The following WWOX variants were observed in gnomAD, a reference collection of about 807,000 sequenced individuals.
The protein encoded by WWOX is WW domain-containing oxidoreductase.
Under a neutral mutation model 46.2 loss-of-function variants are expected in WWOX, and 69 were observed. The ratio of observed to expected loss-of-function variants is 1.49; its 90% CI spans 1.23 to 1.82. The LOEUF (loss-of-function observed/expected upper bound fraction) is 1.82. Ranked by LOEUF, WWOX falls within the 40% of genes most tolerant of loss-of-function variation. The probability of loss-of-function intolerance (pLI) is 0.00; values close to 1 mark genes in which losing one functional copy is unlikely to be tolerated. For synonymous variants in WWOX, 359 were observed against 202.6 expected (o/e 1.77, Z -6.56); for missense variants, 919 against 542.6 (o/e 1.69, Z -6.89).
At chr16:78,103,180 G>A (rs34180005) in intron 1 of WWOX, among the ~76,000 whole-genome samples, 33,900 of 151,222 alleles carry the variant, frequency 0.22, 4,629 homozygotes, top group Non-Finnish European at 0.3. Context: ...GTTTCCAAAC[G>A]CCTTTCCTCC....
At chr16:78,874,400 A>C (rs2044191613) in intron 8 of WWOX, among the ~76,000 whole-genome samples, 7 of 152,104 alleles carry the variant, frequency 4.6e-5, no homozygotes, top group Admixed American at 4.6e-4. Context: ...GCAGTTGCTA[A>C]AGCTGTCAAG....
At chr16:78,427,825 G>A (rs191839460) in intron 7 of WWOX, among the ~76,000 whole-genome samples, 56 of 151,852 alleles carry the variant, frequency 3.7e-4, no homozygotes, top group African/African-American at 1.3e-3. Flanking sequence ...TATAGGCCAG[G>A]CACAGTGTCT....
intron 5 of WWOX, among the ~76,000 whole-genome samples, chr16:78,321,039 G>A (rs754959377): frequency 3.3e-5 from 5 of 152,002 alleles, no homozygotes; most frequent in Non-Finnish European, 5.9e-5. Flanking sequence ...CTCACAGATG[G>A]CATATGAGAA....
At chr16:78,532,889 A>G (rs942187209) in intron 8 of WWOX, among the ~76,000 whole-genome samples, 1 of 152,194 alleles carries the variant, frequency 6.6e-6, no homozygotes, top group Non-Finnish European at 1.5e-5. Flanking sequence ...GCCAAACCAT[A>G]TCAAAAACCA....
At chr16:78,832,213 T>C (rs2051847148) in intron 8 of WWOX, among the ~76,000 whole-genome samples, 1 of 152,126 alleles carries the variant, frequency 6.6e-6, no homozygotes, top group African/African-American at 2.4e-5. Flanking sequence ...AGGGGCTCAC[T>C]GATGTGGCTT....
chr16:79,211,458 G>C (rs1163111946), intron 8 of WWOX, 150 bp from the exon 9 acceptor site: 1 of 947,308 alleles, frequency 1.1e-6, no homozygotes. Context: ...ACAGTCATGT[G>C]CTTTCAGCCC....
chr16:78,404,128 G>T (rs1160638002), intron 6 of WWOX, among the ~76,000 whole-genome samples: 1 of 152,080 alleles, frequency 6.6e-6, no homozygotes, highest in Admixed American at 6.5e-5. Flanking sequence ...TTAAGCAAAT[G>T]GTACCTAAAT....
At chr16:78,991,642 G>A (rs2046889475) in intron 8 of WWOX, among the ~76,000 whole-genome samples, 1 of 146,792 alleles carries the variant, frequency 6.8e-6, no homozygotes, top group Non-Finnish European at 1.5e-5. Flanking sequence ...ACCAGTGGTG[G>A]GGCCCCTTGG....
intron 8 of WWOX, among the ~76,000 whole-genome samples, chr16:79,002,747 C>T (rs146065691): frequency 1.2e-4 from 18 of 152,242 alleles, no homozygotes; most frequent in South Asian, 4.1e-4. Context: ...AGTTTTCACC[C>T]GGGTTCTCCC....
At chr16:78,244,683 C>A (rs2037761489) in intron 5 of WWOX, among the ~76,000 whole-genome samples, 1 of 152,174 alleles carries the variant, frequency 6.6e-6, no homozygotes, top group African/African-American at 2.4e-5. Flanking sequence ...CCTCCCCAGG[C>A]CTTATCAGGG....
intron 8 of WWOX, among the ~76,000 whole-genome samples, chr16:78,493,572 T>C (rs1043214701): frequency 1.3e-5 from 2 of 152,234 alleles, no homozygotes; most frequent in African/African-American, 2.4e-5. Flanking sequence ...AGGAGAATTA[T>C]TCTTTTTACA....
chr16:78,482,936 A>C (rs916184064), intron 8 of WWOX, among the ~76,000 whole-genome samples: 5 of 152,192 alleles, frequency 3.3e-5, no homozygotes, highest in African/African-American at 1.2e-4. Context: ...ATCTGTTCGT[A>C]GAAGTGGGCG....
intron 8 of WWOX, among the ~76,000 whole-genome samples, chr16:78,674,827 T>C (rs915345483): frequency 9.5e-6 from 1 of 105,340 alleles, no homozygotes; most frequent in Non-Finnish European, 2.1e-5. Context: ...TTTTCATTTT[T>C]CATTTTTTTT....
At chr16:78,524,509 C>T (rs1404989406) in intron 8 of WWOX, among the ~76,000 whole-genome samples, 3 of 151,996 alleles carry the variant, frequency 2.0e-5, no homozygotes, top group Non-Finnish European at 4.4e-5. Flanking sequence ...CAGCCTCTGC[C>T]TCCCGTGTCC....
intron 8 of WWOX, among the ~76,000 whole-genome samples, chr16:79,021,551 C>A (rs912937013): frequency 2.6e-5 from 4 of 152,070 alleles, no homozygotes; most frequent in African/African-American, 9.7e-5. Flanking sequence ...CATGGTCGGT[C>A]CATTAACTAC....
chr16:79,031,734 C>G (rs972729971), intron 8 of WWOX, among the ~76,000 whole-genome samples: 3 of 145,168 alleles, frequency 2.1e-5, no homozygotes, highest in East Asian at 2.2e-4. Context: ...TTAATAGGCT[C>G]TCTCTCTGTC....
At chr16:78,868,733 T>A (rs970514376) in intron 8 of WWOX, among the ~76,000 whole-genome samples, 5 of 152,216 alleles carry the variant, frequency 3.3e-5, no homozygotes, top group Non-Finnish European at 7.3e-5. Flanking sequence ...GAGCCATTCA[T>A]AGGCTCTGGC....
At position 78,928,319 on chromosome 16, in the gene WWOX, C is replaced by T. The variant is rs193095573; in HGVS notation, c.1057-283289C>T. ...CCGGGTTCACGCCATTCTCCTGCCTCAGCCTCCCGAGTAGCTGGGACTACA... is the reference window on the plus strand; with the variant it reads ...CCGGGTTCACGCCATTCTCCTGCCTTAGCCTCCCGAGTAGCTGGGACTACA... On this transcript the variant is annotated intron_variant, in intron 8 of 8. Coordinates refer to ENST00000566780, the MANE Select transcript of WWOX (RefSeq NM_016373.4). 5.9e-5 allele frequency among the ~76,000 whole-genome samples: 9 copies of T among 151,316 alleles called. 1 individual carries two copies. In the South Asian group the frequency reaches 6.3e-4, roughly 11 times the overall value.
intron 8 of WWOX, among the ~76,000 whole-genome samples, chr16:78,740,996 C>T (rs2049210792): frequency 6.6e-6 from 1 of 152,096 alleles, no homozygotes; most frequent in Non-Finnish European, 1.5e-5. Context: ...GGCCATGGGT[C>T]TCCTAAGTGG....
Sources: gnomAD v4.1 joint callset for allele counts (sites outside exome capture counted in the v4.1 genomes callset) on GRCh38, gnomAD v4.1.1 for gene constraint, MANE v1.5 for transcripts, NCBI Gene and HGNC (gene_info 2026-07-23, HGNC 2026-07-21) for gene names.